The following TENM3 variants were observed in gnomAD, a reference collection of about 807,000 sequenced individuals.
TENM3 encodes the protein teneurin transmembrane protein 3.
In TENM3, 63 loss-of-function variants were observed where a neutral mutation model predicts 255.1. The ratio of observed to expected loss-of-function variants is 0.25; its 90% CI spans 0.20 to 0.30. TENM3 has a LOEUF of 0.30. TENM3 is among the 10% of genes least tolerant of loss of function. The probability of loss-of-function intolerance (pLI) is 1.00; values close to 1 mark genes in which losing one functional copy is unlikely to be tolerated. For synonymous variants in TENM3, 1,306 were observed against 1,322.3 expected (o/e 0.99, Z 0.27); for missense variants, 2,929 against 3,461.1 (o/e 0.85, Z 3.86).
At chr4:182,684,325 C>T (rs1209148854) in intron 11 of TENM3, among the ~76,000 whole-genome samples, 1 of 150,618 alleles carries the variant, frequency 6.6e-6, no homozygotes, top group Non-Finnish European at 1.5e-5. Context: ...GGTCTATCTA[C>T]TTTCCTGCCC....
chr4:182,696,858 T>G (rs984050334), intron 12 of TENM3, among the ~76,000 whole-genome samples: 1 of 152,218 alleles, frequency 6.6e-6, no homozygotes, highest in African/African-American at 2.4e-5. Context: ...ATATTCTTTT[T>G]CTTAAAGAGG....
intron 3 of TENM3, among the ~76,000 whole-genome samples, chr4:182,504,827 C>G (rs998264773): frequency 1.4e-4 from 22 of 152,270 alleles, no homozygotes; most frequent in Non-Finnish European, 2.6e-4. Context: ...TAGTCTTAGA[C>G]TTTGTTTCAG....
At chr4:182,270,276 TC>T (rs1316200754) in intron 1 of TENM3, among the ~76,000 whole-genome samples, 8 of 152,206 alleles carry the variant, frequency 5.3e-5, no homozygotes, top group Admixed American at 2.0e-4. Flanking sequence ...AGATGCTAAT[TC>T]CCCCCATGAA....
chr4:182,346,943 T>C lies in TENM3; in HGVS notation c.511+14T>C, dbSNP rs1418922027. The C allele has an allele frequency of 1.3e-6, 2 of 1,551,306 alleles. No homozygotes were observed. The highest frequency in any genetic ancestry group is 1.4e-5 in the African/African-American group (1 of 74,016). On this transcript the variant is annotated intron_variant, in intron 3 of 27. Coordinates refer to ENST00000511685, the MANE Select transcript of TENM3 (RefSeq NM_001080477.4). ...ACAGTGAGAATGGTAAGTTTCCTTTTTGGCTTTATAATGTTGGCATTCAGT... is the reference window on the plus strand; with the variant it reads ...ACAGTGAGAATGGTAAGTTTCCTTTCTGGCTTTATAATGTTGGCATTCAGT...
intron 3 of TENM3, among the ~76,000 whole-genome samples, chr4:182,467,129 G>A (rs1299696222): frequency 2.6e-5 from 4 of 152,042 alleles, no homozygotes; most frequent in South Asian, 2.1e-4. Flanking sequence ...TCTGGAGACT[G>A]CCATACTCTA....
At position 182,680,637 on chromosome 4, in the gene TENM3, G is replaced by A. The variant is rs756800806; in HGVS notation, c.1734G>A (p.Pro578=). ...SGWKGTECDV[P]TTQCIDPQCG... is the part of the protein sequence containing the mutation. ...GGAAGGGCACCGAGTGTGATGTGCC[G>A]ACTACCCAGTGTATTGACCCACAGT... The change falls in exon 10 of 28, where the codon CCG becomes CCA. Residue 578 remains proline, a synonymous_variant. Coordinates refer to ENST00000511685, the MANE Select transcript of TENM3 (RefSeq NM_001080477.4). 2.0e-5 allele frequency: 33 copies of A among 1,613,378 alleles called. 1 individual carries two copies. Among genetic ancestry groups the A allele is most frequent in the Admixed American group, 8.4e-5 (5 of 59,820 alleles).
the TENM3 span, among the ~76,000 whole-genome samples, chr4:181,731,314 A>T: frequency 6.6e-6 from 1 of 152,156 alleles, no homozygotes; most frequent in Non-Finnish European, 1.5e-5. Context: ...TTAATGCATG[A>T]GTATATTTTA....
the TENM3 span, among the ~76,000 whole-genome samples, chr4:181,791,704 T>C: frequency 6.6e-6 from 1 of 152,192 alleles, no homozygotes; most frequent in Non-Finnish European, 1.5e-5. Flanking sequence ...ATTTTACTAA[T>C]TAAGTCCTAA....
At chr4:181,539,019 T>C in the TENM3 span, among the ~76,000 whole-genome samples, 3 of 152,214 alleles carry the variant, frequency 2.0e-5, no homozygotes, top group African/African-American at 7.2e-5. Flanking sequence ...AAATCTTTTA[T>C]ATTGTCCCAT....
the TENM3 span, among the ~76,000 whole-genome samples, chr4:181,881,259 G>C: frequency 6.6e-6 from 1 of 152,098 alleles, no homozygotes; most frequent in Admixed American, 6.5e-5. Context: ...AGGCAAGTAT[G>C]ATGACTCAAT....
At chr4:182,277,539 T>G (rs1334082001) in intron 1 of TENM3, among the ~76,000 whole-genome samples, 1 of 152,222 alleles carries the variant, frequency 6.6e-6, no homozygotes, top group Non-Finnish European at 1.5e-5. Context: ...GGAATGTTGG[T>G]TGCTATTATT....
chr4:182,676,739 C>G (rs951217310), intron 7 of TENM3, among the ~76,000 whole-genome samples: 2 of 152,106 alleles, frequency 1.3e-5, no homozygotes, highest in African/African-American at 4.8e-5. Context: ...ATTGATTTTC[C>G]AAAAGACGGC....
intron 1 of TENM3, among the ~76,000 whole-genome samples, chr4:182,196,646 G>C (rs1753848783): frequency 6.6e-6 from 1 of 152,176 alleles, no homozygotes; most frequent in African/African-American, 2.4e-5. Context: ...TGATTGTGGA[G>C]AGGACCTGTG....
chr4:182,673,261 T>C, intron 7 of TENM3, 42 bp downstream of exon 7: 1 of 1,367,372 alleles, frequency 7.3e-7, no homozygotes. Flanking sequence ...AAACTGCCAG[T>C]TGCATTTTTT....
chr4:181,477,031 G>C, the TENM3 span, among the ~76,000 whole-genome samples: 1 of 152,028 alleles, frequency 6.6e-6, no homozygotes, highest in Non-Finnish European at 1.5e-5. Flanking sequence ...TTAGAGGTTA[G>C]GTAATTTGCT....
the TENM3 span, among the ~76,000 whole-genome samples, chr4:181,862,159 A>G: frequency 6.6e-6 from 1 of 152,120 alleles, no homozygotes; most frequent in African/African-American, 2.4e-5. Context: ...TAAAGACAAA[A>G]TAGATATTTA....
chr4:182,211,760 A>C (rs1755056983), intron 1 of TENM3, among the ~76,000 whole-genome samples: 1 of 152,302 alleles, frequency 6.6e-6, no homozygotes, highest in Admixed American at 6.5e-5. Context: ...TTTACCAAAT[A>C]TTTATTTTAT....
the TENM3 span, among the ~76,000 whole-genome samples, chr4:181,880,095 C>T: frequency 6.6e-6 from 1 of 152,060 alleles, no homozygotes; most frequent in Non-Finnish European, 1.5e-5. Context: ...ATTATTCATT[C>T]ACTTCATAAT....
chr4:182,100,494 TAC>T, the TENM3 span, among the ~76,000 whole-genome samples: 19 of 133,624 alleles, frequency 1.4e-4, no homozygotes, highest in Non-Finnish European at 2.2e-4. Context: ...TATATATATA[TAC>T]ACACACACAC....
Sources: allele counts gnomAD v4.1 joint callset (sites outside exome capture counted in the v4.1 genomes callset), GRCh38; gene constraint gnomAD v4.1.1; transcripts MANE v1.5; gene names NCBI Gene and HGNC (gene_info 2026-07-23, HGNC 2026-07-21).